Variants in TSC22D1 observed in about 807,000 individuals in gnomAD.
The protein encoded by TSC22D1 is TSC22 domain family protein 1.
Under a neutral mutation model 74.2 loss-of-function variants are expected in TSC22D1, and 9 were observed. That is an observed-to-expected ratio of 0.12 (90% CI 0.07 to 0.21). TSC22D1 has a LOEUF of 0.21. TSC22D1 is among the 10% of genes least tolerant of loss of function. The pLI, the probability that TSC22D1 is intolerant of heterozygous loss-of-function variation, is 1.00. For missense variants in TSC22D1, 1,427 were observed against 1,304.7 expected, an observed-to-expected ratio of 1.09 and a Z score of -1.44; for synonymous variants, 586 against 492.5, an observed-to-expected ratio of 1.19 and a Z score of -2.51.
chr13:44,438,224 G>C (rs1250027744), intron 1 of TSC22D1, among the ~76,000 whole-genome samples: 1 of 152,148 alleles, frequency 6.6e-6, no homozygotes, highest in African/African-American at 2.4e-5. Flanking sequence ...AGTACTTGGG[G>C]AGACCTCTCT....
chr13:44,572,777 G>A (rs571014055), intron 1 of TSC22D1, among the ~76,000 whole-genome samples: 1 of 152,324 alleles, frequency 6.6e-6, no homozygotes, highest in Admixed American at 6.5e-5. Flanking sequence ...GAGAACAAAC[G>A]TGGGAACCAC....
At chr13:44,450,689 G>A (rs1876054773) in intron 1 of TSC22D1, among the ~76,000 whole-genome samples, 1 of 152,200 alleles carries the variant, frequency 6.6e-6, no homozygotes, top group South Asian at 2.1e-4. Flanking sequence ...GCCAGAATAA[G>A]GCTGTAGGCT....
At chr13:44,565,596 A>G (rs1488602583) in intron 1 of TSC22D1, among the ~76,000 whole-genome samples, 1 of 152,194 alleles carries the variant, frequency 6.6e-6, no homozygotes, top group Non-Finnish European at 1.5e-5. Context: ...CCAATAAAGC[A>G]TGTTCTTACC....
At chr13:44,472,457 G>A (rs1049450817) in intron 1 of TSC22D1, among the ~76,000 whole-genome samples, 1 of 151,860 alleles carries the variant, frequency 6.6e-6, no homozygotes, top group Non-Finnish European at 1.5e-5. Flanking sequence ...TCTGATTTCT[G>A]TCTCCCCTCT....
chr13:44,554,630 CAAAAAA>C (rs59922380), intron 1 of TSC22D1, among the ~76,000 whole-genome samples: 5 of 68,616 alleles, frequency 7.3e-5, no homozygotes, highest in Non-Finnish European at 1.2e-4. Context: ...ATACCAGGAA[CAAAAAA>C]AAAAAAAAAA....
intron 1 of TSC22D1, among the ~76,000 whole-genome samples, chr13:44,444,778 T>C (rs1875503743): frequency 6.6e-6 from 1 of 152,084 alleles, no homozygotes; most frequent in Admixed American, 6.5e-5. Context: ...AAACAAGGCA[T>C]ATCAAAATTT....
At chr13:44,440,447 T>G (rs999763687) in intron 1 of TSC22D1, among the ~76,000 whole-genome samples, 12 of 151,726 alleles carry the variant, frequency 7.9e-5, no homozygotes, top group African/African-American at 2.9e-4. Flanking sequence ...ATAAATTAGC[T>G]GGGCGTGGTG....
intron 1 of TSC22D1, among the ~76,000 whole-genome samples, chr13:44,535,944 T>C (rs996091702): frequency 6.6e-6 from 1 of 151,956 alleles, no homozygotes. Context: ...TTCATACACA[T>C]ATAGGAAAAG....
At chr13:44,447,650 G>A (rs1481094252) in intron 1 of TSC22D1, among the ~76,000 whole-genome samples, 1 of 151,740 alleles carries the variant, frequency 6.6e-6, no homozygotes, top group African/African-American at 2.4e-5. Context: ...TATAACACAT[G>A]TATTTACCCT....
chr13:44,570,704 G>A (rs1327975767), intron 1 of TSC22D1, among the ~76,000 whole-genome samples: 1 of 152,020 alleles, frequency 6.6e-6, no homozygotes, highest in Non-Finnish European at 1.5e-5. Flanking sequence ...AAATTATATT[G>A]TTAACACATT....
chr13:44,470,218 CT>C (rs1219048040), intron 1 of TSC22D1, among the ~76,000 whole-genome samples: 1 of 152,134 alleles, frequency 6.6e-6, no homozygotes, highest in Non-Finnish European at 1.5e-5. Flanking sequence ...CTAGTCAAAT[CT>C]TTTATAACAG....
chr13:44,516,909 C>G (rs1440212703), intron 1 of TSC22D1, among the ~76,000 whole-genome samples: 1 of 152,184 alleles, frequency 6.6e-6, no homozygotes, highest in East Asian at 1.9e-4. Context: ...AAAGGGATAG[C>G]AGTCTCTTCC....
rs2138836929 is a variant in TSC22D1, at chr13:44,433,811, A to G, written c.*815T>C. ...GTGAGTAACTGTGCCAAATTCTTAA[A>G]ATTTCTTTAGGTGTGGTTTTTGTCA... On this transcript the variant is annotated 3_prime_UTR_variant, in exon 3 of 3. Transcript: ENST00000458659. The G allele has an allele frequency of 5.1e-6, 3 of 588,086 alleles. No homozygotes were observed. Among genetic ancestry groups the G allele is most frequent in the Middle Eastern group, 9.1e-4 (2 of 2,208 alleles). 36.4% of individuals were successfully genotyped at this position (588,086 alleles called of 1,614,324 possible). A position where few individuals can be genotyped will look rare whatever the true frequency, so the allele number is the denominator to read the frequency against.
rs572823671 is a variant in TSC22D1 at position 44,518,024 on chromosome 13, C to CT, written c.2912+55138dup. 3.4e-3 allele frequency among the ~76,000 whole-genome samples: 473 copies of CT among 138,604 alleles called. 2 individuals carry two copies. The highest frequency in any genetic ancestry group is 7.7e-3 in the Middle Eastern group (2 of 260). 90.9% of individuals were successfully genotyped at this position (138,604 alleles called of 152,430 possible). ...GACGTGCACCACCACGCCCAGCTAA[C>CT]TTTTTTTTTTTTTGTAGAGACAGGT... On this transcript the variant is annotated intron_variant, in intron 1 of 2. Coordinates refer to ENST00000458659, the MANE Select transcript of TSC22D1 (RefSeq NM_183422.4).
Position 44,434,052 on chromosome 13 carries a change from A to G in TSC22D1, c.*574T>C. On this transcript the variant is annotated 3_prime_UTR_variant, in exon 3 of 3. Transcript: ENST00000458659. ...TACCTGTCACCATTTTGTCACTCTC[A>G]TAGTTTTGTGTCATCCATTGTTTGA... 1 of 1,531,500 alleles carries G rather than the reference A, an allele frequency of 6.5e-7. No individual in the cohort carries two copies. The highest frequency in any genetic ancestry group is 2.0e-5 in the Admixed American group (1 of 49,546). The allele number at this position is 1,531,500 out of a possible 1,614,324, so 94.9% of individuals were successfully genotyped here. A position where few individuals can be genotyped will look rare whatever the true frequency, so the allele number is the denominator to read the frequency against.
At chr13:44,536,647 G>T in intron 1 of TSC22D1, 1 of 772,502 alleles carries the variant, frequency 1.3e-6, no homozygotes, top group Non-Finnish European at 1.6e-6. Flanking sequence ...AACTGTTTTT[G>T]GATGCTATTC....
chr13:44,547,613 G>T (rs1160761766), intron 1 of TSC22D1, among the ~76,000 whole-genome samples: 1 of 152,118 alleles, frequency 6.6e-6, no homozygotes, highest in African/African-American at 2.4e-5. Context: ...AGGAAATAGA[G>T]TTTAGTGCCA....
chr13:44,455,107 T>C (rs1370591556), intron 1 of TSC22D1, among the ~76,000 whole-genome samples: 1 of 152,042 alleles, frequency 6.6e-6, no homozygotes, highest in African/African-American at 2.4e-5. Context: ...GTATGTGAGA[T>C]AAGGACAAGT....
chr13:44,442,914 C>CAAAA (rs386378995), intron 1 of TSC22D1, among the ~76,000 whole-genome samples: 5 of 87,012 alleles, frequency 5.7e-5, no homozygotes, highest in South Asian at 4.7e-4. Flanking sequence ...GAGACTCTGT[C>CAAAA]AAAAAAAAAA....
Sources: allele counts gnomAD v4.1 joint callset (sites outside exome capture counted in the v4.1 genomes callset), GRCh38; gene constraint gnomAD v4.1.1; transcripts MANE v1.5; gene names NCBI Gene and HGNC (gene_info 2026-07-23, HGNC 2026-07-21).